SGK3: variants seen among roughly 807,000 people sequenced by gnomAD.
The protein encoded by SGK3 is serum/glucocorticoid regulated kinase family member 3, also known as serine/threonine-protein kinase Sgk3.
A neutral mutation model predicts 68.5 loss-of-function variants in SGK3; 47 were observed. The observed-to-expected ratio is 0.69, with a 90% CI of 0.54 to 0.87. SGK3 has a LOEUF of 0.87. Among genes scored for constraint, SGK3 ranks in the 40% least tolerant of loss-of-function variants. The pLI is 0.00. For missense variants in SGK3, 479 were observed against 575.5 expected, an observed-to-expected ratio of 0.83 and a Z score of 1.72; for synonymous variants, 181 against 189.1, an observed-to-expected ratio of 0.96 and a Z score of 0.35.
At chr8:66,779,492 T>C (rs555207572) in intron 1 of SGK3, among the ~76,000 whole-genome samples, 4 of 147,922 alleles carry the variant, frequency 2.7e-5, no homozygotes, top group African/African-American at 9.9e-5. Context: ...TTACCGTTCC[T>C]AGAATGAAGC....
At chr8:66,772,552 A>T (rs1171736885) in intron 1 of SGK3, among the ~76,000 whole-genome samples, 1 of 140,714 alleles carries the variant, frequency 7.1e-6, no homozygotes, top group Admixed American at 7.0e-5. Context: ...GCACCACTAC[A>T]CCTGGCTATT....
At chr8:66,751,592 T>G (rs991854492) in intron 1 of SGK3, among the ~76,000 whole-genome samples, 6 of 152,090 alleles carry the variant, frequency 3.9e-5, no homozygotes, top group East Asian at 1.9e-4. Context: ...GTATGACATT[T>G]TGAATTATTT....
At position 66,859,656 on chromosome 8, in the gene SGK3, A is replaced by G; in HGVS notation, c.*75A>G. ...CTGAAACTTCTATTTGTGTGAATAT[A>G]TTCAAATATGTATAACTAGTGCCTC... On this transcript the variant is annotated 3_prime_UTR_variant, in exon 17 of 17. Transcript: ENST00000521198. 1 of 1,434,470 alleles carries G rather than the reference A, an allele frequency of 7.0e-7. No individual in the cohort carries two copies. The highest frequency in any genetic ancestry group is 2.3e-5 in the East Asian group (1 of 42,912). The allele number at this position is 1,434,470 out of a possible 1,614,324, so 88.9% of individuals were successfully genotyped here.
Position 66,810,468 on chromosome 8 carries a change from A to G in SGK3, c.254-3385A>G, listed in dbSNP as rs911762280. On this transcript the variant is annotated intron_variant, in intron 4 of 16. Coordinates refer to ENST00000521198, the MANE Select transcript of SGK3 (RefSeq NM_001033578.3). ...GTAATCCCAACACTTTGGGAGGCCG[A>G]GGTGGGTGGATCGCCTGAGGTCAGG... Among the ~76,000 whole-genome samples the G allele has an allele frequency of 5.3e-5, 8 of 152,338 alleles. No homozygotes were observed. The South Asian group carries it at 1.7e-3, about 32-fold the overall frequency.
intron 14 of SGK3, among the ~76,000 whole-genome samples, chr8:66,845,765 C>T (rs1252010353): frequency 6.6e-6 from 1 of 150,994 alleles, no homozygotes; most frequent in Non-Finnish European, 1.5e-5. Context: ...GCCATGTTGC[C>T]TAGGCTGGTC....
At chr8:66,730,423 T>A (rs1436836915) in intron 1 of SGK3, among the ~76,000 whole-genome samples, 1 of 152,202 alleles carries the variant, frequency 6.6e-6, no homozygotes, top group Non-Finnish European at 1.5e-5. Flanking sequence ...CTTGATTTCC[T>A]TGGAGCACAA....
chr8:66,724,492 C>A (rs1196952546), intron 1 of SGK3, among the ~76,000 whole-genome samples: 1 of 152,184 alleles, frequency 6.6e-6, no homozygotes, highest in Non-Finnish European at 1.5e-5. Flanking sequence ...AGGAAAATTG[C>A]TTGAACCTGG....
At chr8:66,811,333 A>G (rs1808375618) in intron 4 of SGK3, among the ~76,000 whole-genome samples, 1 of 152,162 alleles carries the variant, frequency 6.6e-6, no homozygotes, top group East Asian at 1.9e-4. Flanking sequence ...AAAATTTCTA[A>G]TTGAAATTTC....
At chr8:66,744,515 ATATATTT>A (rs1805582219) in intron 1 of SGK3, among the ~76,000 whole-genome samples, 1 of 22,474 alleles carries the variant, frequency 4.4e-5, no homozygotes, top group South Asian at 2.0e-3. Context: ...ATATATATAT[ATATATTT>A]TTTTTTTTTT....
At chr8:66,785,270 G>T (rs1053860244) in intron 1 of SGK3, among the ~76,000 whole-genome samples, 1 of 152,216 alleles carries the variant, frequency 6.6e-6, no homozygotes, top group African/African-American at 2.4e-5. Flanking sequence ...GGGCTCACAT[G>T]AGAGTGCTTT....
intron 1 of SGK3, among the ~76,000 whole-genome samples, chr8:66,738,794 AT>A (rs981437547): frequency 2.0e-5 from 3 of 150,998 alleles, no homozygotes; most frequent in African/African-American, 2.4e-5. Context: ...CACCTGGCTA[AT>A]TTTTTTTTGT....
At chr8:66,781,660 C>T (rs1806988464) in intron 1 of SGK3, among the ~76,000 whole-genome samples, 1 of 152,226 alleles carries the variant, frequency 6.6e-6, no homozygotes, top group Admixed American at 6.5e-5. Flanking sequence ...ACACTCTTCT[C>T]AAGTTGTTGG....
At chr8:66,719,089 A>T (rs997908054) in intron 1 of SGK3, among the ~76,000 whole-genome samples, 16 of 152,172 alleles carry the variant, frequency 1.1e-4, no homozygotes, top group African/African-American at 3.6e-4. Flanking sequence ...CCAATAAAAA[A>T]GTATGTATGC....
chr8:66,804,793 T>C (rs1420594129), intron 4 of SGK3, among the ~76,000 whole-genome samples: 1 of 152,174 alleles, frequency 6.6e-6, no homozygotes, highest in Non-Finnish European at 1.5e-5. Context: ...TCTATATAAA[T>C]TTATCTGTCA....
Position 66,752,858 on chromosome 8 carries a change from A to AT in SGK3, c.-122+40032dup, listed in dbSNP as rs539933946. The stretch of plus-strand genomic sequence containing the variant: ...GGAGTGGGAAGTCACAGGTTTCTTT[A>AT]TTTTTTTAGAGACAGGGTCTCACTC... On this transcript the variant is annotated intron_variant, in intron 1 of 16. Coordinates refer to ENST00000521198, the MANE Select transcript of SGK3 (RefSeq NM_001033578.3). Among the ~76,000 whole-genome samples, 100 of 151,978 alleles carry AT rather than the reference A, an allele frequency of 6.6e-4. 1 individual carries two copies. In the South Asian group the frequency reaches 6.7e-3, roughly 10 times the overall value.
At chr8:66,714,000 G>A (rs1478572256) in intron 1 of SGK3, among the ~76,000 whole-genome samples, 2 of 152,176 alleles carry the variant, frequency 1.3e-5, no homozygotes, top group African/African-American at 4.8e-5. Flanking sequence ...TGAATGACTT[G>A]TGTAACATGG....
At chr8:66,840,983 A>ATTT in intron 12 of SGK3, 41 bp from the exon 13 acceptor site, 1 of 1,401,032 alleles carries the variant, frequency 7.1e-7, no homozygotes, top group Non-Finnish European at 9.6e-7. Context: ...GTCAATTCAT[A>ATTT]TTTATGCATT....
At chr8:66,837,312 A>G (rs907439361) in intron 10 of SGK3, among the ~76,000 whole-genome samples, 2 of 152,226 alleles carry the variant, frequency 1.3e-5, no homozygotes, top group Non-Finnish European at 2.9e-5. Flanking sequence ...GGGATCTTTC[A>G]TTCCCCAATC....
At chr8:66,777,164 A>G (rs967443120) in intron 1 of SGK3, among the ~76,000 whole-genome samples, 1 of 152,106 alleles carries the variant, frequency 6.6e-6, no homozygotes, top group African/African-American at 2.4e-5. Context: ...CTCTTCCCCA[A>G]CTTTTTGTAT....
Sources: gnomAD v4.1 joint callset for allele counts (sites outside exome capture counted in the v4.1 genomes callset) on GRCh38, gnomAD v4.1.1 for gene constraint, MANE v1.5 for transcripts, NCBI Gene and HGNC (gene_info 2026-07-23, HGNC 2026-07-21) for gene names.